The following YES1 variants were observed in gnomAD, a reference collection of about 807,000 sequenced individuals.
YES1 encodes the protein YES proto-oncogene 1, Src family tyrosine kinase.
A neutral mutation model predicts 70.4 loss-of-function variants in YES1; 39 were observed. That is an observed-to-expected ratio of 0.55 (90% CI 0.43 to 0.72). The LOEUF is 0.72. Ranked by LOEUF, YES1 falls within the 30% of genes least tolerant of loss-of-function variation. The pLI, the probability that YES1 is intolerant of heterozygous loss-of-function variation, is 0.00. For missense variants in YES1, 495 were observed against 644.8 expected, an observed-to-expected ratio of 0.77 and a Z score of 2.52; for synonymous variants, 198 against 218.6, an observed-to-expected ratio of 0.91 and a Z score of 0.83.
chr18:769,586 CCAAG>C (rs1309796050), intron 1 of YES1, among the ~76,000 whole-genome samples: 1 of 152,142 alleles, frequency 6.6e-6, no homozygotes, highest in African/African-American at 2.4e-5. Context: ...CTTCATAAGG[CCAAG>C]CAAAGTTCCC....
At chr18:763,292 T>C (rs982280820) in intron 1 of YES1, among the ~76,000 whole-genome samples, 5 of 152,130 alleles carry the variant, frequency 3.3e-5, no homozygotes, top group Admixed American at 1.3e-4. Context: ...GCAGAAGATA[T>C]GTGTTTTATA....
At chr18:744,356 A>C (rs947652952) in intron 6 of YES1, among the ~76,000 whole-genome samples, 3 of 151,624 alleles carry the variant, frequency 2.0e-5, no homozygotes, top group Admixed American at 6.6e-5. Context: ...CAAAAAATCA[A>C]GGAAAAAGTT....
At chr18:767,835 G>C (rs1904982049) in intron 1 of YES1, among the ~76,000 whole-genome samples, 1 of 152,006 alleles carries the variant, frequency 6.6e-6, no homozygotes, top group South Asian at 2.1e-4. Flanking sequence ...CAAGTAGCTG[G>C]GATTACAGAC....
At chr18:781,912 G>A (rs1568212361) in intron 1 of YES1, among the ~76,000 whole-genome samples, 1 of 152,292 alleles carries the variant, frequency 6.6e-6, no homozygotes, top group East Asian at 1.9e-4. Flanking sequence ...CTGACTAGAG[G>A]TAGCTTAAGC....
intron 2 of YES1, 118 bp downstream of exon 2, chr18:756,439 C>G (rs2080406979): frequency 7.6e-7 from 1 of 1,315,070 alleles, no homozygotes; most frequent in African/African-American, 1.5e-5. Context: ...TTTTCACATA[C>G]AATTATTTGA....
chr18:739,214 T>C (rs1296684989), intron 9 of YES1: 1 of 152,262 alleles, frequency 6.6e-6, no homozygotes, highest in African/African-American at 2.4e-5. Context: ...GTTCTGTTAC[T>C]AACAAGTTTT....
Position 757,325 on chromosome 18 carries a change from A to C in YES1, c.-8-490T>G, listed in dbSNP as rs562653145. Among the ~76,000 whole-genome samples the C allele has an allele frequency of 1.2e-3, 183 of 151,532 alleles. 1 individual carries two copies. The Middle Eastern group carries it at 0.021, about 17-fold the overall frequency. On this transcript the variant is annotated intron_variant, in intron 1 of 11. Transcript: ENST00000314574. ...GAGACCATCCTGGCTAACACGGTGA[A>C]ACCCCGCCTCTACTAAAAATGCAAA...
chr18:773,847 T>C (rs1905258117), intron 1 of YES1, among the ~76,000 whole-genome samples: 1 of 152,142 alleles, frequency 6.6e-6, no homozygotes, highest in Non-Finnish European at 1.5e-5. Context: ...CCTTTTTTTT[T>C]TTGAGACGGA....
intron 3 of YES1, 125 bp from the exon 4 acceptor site, chr18:748,143 TTGGA>T (rs768270671): frequency 4.4e-6 from 3 of 687,718 alleles, no homozygotes; most frequent in Non-Finnish European, 7.3e-6. Context: ...TATGCATTCA[TTGGA>T]TGAAGAATTA....
intron 1 of YES1, among the ~76,000 whole-genome samples, chr18:765,907 G>A (rs1904885718): frequency 6.6e-6 from 1 of 152,168 alleles, no homozygotes; most frequent in African/African-American, 2.4e-5. Context: ...ATTGCAGTAA[G>A]TTGAAGAATA....
intron 1 of YES1, among the ~76,000 whole-genome samples, chr18:799,999 T>C (rs769226626): frequency 5.3e-5 from 8 of 152,218 alleles, no homozygotes; most frequent in Non-Finnish European, 1.0e-4. Flanking sequence ...TGGGTGAATA[T>C]GCTTAGGCTA....
chr18:749,408 G>A (rs908894121), intron 3 of YES1, among the ~76,000 whole-genome samples: 1 of 152,038 alleles, frequency 6.6e-6, no homozygotes, highest in African/African-American at 2.4e-5. Context: ...TGAGGCAGGA[G>A]AATCGCTTGA....
At chr18:743,762 C>T (rs772387453) in intron 6 of YES1, among the ~76,000 whole-genome samples, 25 of 151,574 alleles carry the variant, frequency 1.6e-4, no homozygotes, top group Non-Finnish European at 1.9e-4. Flanking sequence ...AAAAGTTAGC[C>T]GGGCATGGTG....
intron 1 of YES1, among the ~76,000 whole-genome samples, chr18:797,294 A>G (rs1462781063): frequency 6.6e-6 from 1 of 152,136 alleles, no homozygotes; most frequent in African/African-American, 2.4e-5. Flanking sequence ...TTATTCATAT[A>G]TATAACAAAA....
At chr18:800,203 T>C (rs1906750622) in intron 1 of YES1, among the ~76,000 whole-genome samples, 1 of 152,248 alleles carries the variant, frequency 6.6e-6, no homozygotes, top group South Asian at 2.1e-4. Context: ...GAAGAACTAC[T>C]TGTTACTTCT....
chr18:738,809 G>A (rs2080183096), intron 9 of YES1: 1 of 150,890 alleles, frequency 6.6e-6, no homozygotes, highest in Non-Finnish European at 1.5e-5. Flanking sequence ...AATACATATA[G>A]ACTTTACATT....
intron 1 of YES1, among the ~76,000 whole-genome samples, chr18:757,372 G>A (rs1027615738): frequency 6.6e-5 from 10 of 152,044 alleles, no homozygotes; most frequent in East Asian, 3.9e-4. Context: ...GCGTGGTGGT[G>A]GGCGCCTGTA....
At chr18:802,544 C>CAA (rs200573604) in intron 1 of YES1, among the ~76,000 whole-genome samples, 3 of 83,184 alleles carry the variant, frequency 3.6e-5, no homozygotes, top group Non-Finnish European at 7.9e-5. Flanking sequence ...AACTCCATCT[C>CAA]AAAAAAAAAA....
At chr18:724,668 T>C (rs772531363) in intron 11 of YES1, 36 bp from the exon 12 acceptor site, 57 of 1,565,914 alleles carry the variant, frequency 3.6e-5, no homozygotes, top group Non-Finnish European at 4.7e-5. Flanking sequence ...AGAACAATGG[T>C]CCTAACTACC....
Sources: allele counts gnomAD v4.1 joint callset (sites outside exome capture counted in the v4.1 genomes callset), GRCh38; gene constraint gnomAD v4.1.1; transcripts MANE v1.5; gene names NCBI Gene and HGNC (gene_info 2026-07-23, HGNC 2026-07-21).